The following RHOT1 variants were observed in gnomAD, a reference collection of about 807,000 sequenced individuals.
RHOT1 encodes the protein mitochondrial Rho GTPase 1.
RHOT1 carries 27 observed loss-of-function variants against 95.3 expected under a neutral mutation model. That is an observed-to-expected ratio of 0.28 (90% CI 0.21 to 0.39). The LOEUF (loss-of-function observed/expected upper bound fraction) is 0.39. Among genes scored for constraint, RHOT1 ranks in the 10% least tolerant of loss-of-function variants. RHOT1 has a pLI of 1.00. For missense variants in RHOT1, 578 were observed against 786.7 expected (o/e 0.73, Z 3.17); for synonymous variants, 227 against 263.5 (o/e 0.86, Z 1.34).
Position 32,154,541 on chromosome 17 carries a change from G to A in RHOT1, c.37+11812G>A, listed in dbSNP as rs570541338. On this transcript the variant is annotated intron_variant, in intron 1 of 19. Coordinates refer to ENST00000545287, the MANE Select transcript of RHOT1 (RefSeq NM_001033566.3). ...GGCAGAGCTTACGGTGAGCAGAGAC[G>A]GCGCCACTGCACTCCAGCCTGGGCG... Among the ~76,000 whole-genome samples, 11 of 148,664 alleles carry A rather than the reference G, an allele frequency of 7.4e-5. No individual in the cohort carries two copies. In the South Asian group the frequency reaches 1.1e-3, roughly 15 times the overall value.
At chr17:32,192,568 T>C (rs2036568936) in intron 9 of RHOT1, among the ~76,000 whole-genome samples, 1 of 152,082 alleles carries the variant, frequency 6.6e-6, no homozygotes. Flanking sequence ...TTTTGCTTTC[T>C]TGGTTTTGAA....
intron 1 of RHOT1, 128 bp downstream of exon 1, chr17:32,142,857 C>T (rs539274364): frequency 5.9e-6 from 5 of 854,164 alleles, no homozygotes; most frequent in Admixed American, 4.4e-5. Flanking sequence ...CACAGCTCCG[C>T]TCGCCTTTCT....
At chr17:32,204,226 A>T (rs1367877321) in intron 16 of RHOT1, among the ~76,000 whole-genome samples, 1 of 151,444 alleles carries the variant, frequency 6.6e-6, no homozygotes, top group Non-Finnish European at 1.5e-5. Flanking sequence ...GCTTGATTTT[A>T]TTTTTTTTCA....
chr17:32,176,454 T>A (rs553561963), intron 6 of RHOT1, among the ~76,000 whole-genome samples: 1 of 152,300 alleles, frequency 6.6e-6, no homozygotes, highest in South Asian at 2.1e-4. Context: ...AACAGAACTC[T>A]GATATCATGA....
chr17:32,155,389 T>C (rs1444834605), intron 1 of RHOT1, among the ~76,000 whole-genome samples: 1 of 152,066 alleles, frequency 6.6e-6, no homozygotes, highest in African/African-American at 2.4e-5. Flanking sequence ...CTCGATCTCC[T>C]GACCCTGTGA....
At chr17:32,150,918 C>A in intron 1 of RHOT1, 1 of 1,545,458 alleles carries the variant, frequency 6.5e-7, no homozygotes, top group Non-Finnish European at 8.8e-7. Context: ...TGGGCACATT[C>A]TTCTTGGATG....
At position 32,193,256 on chromosome 17, in the gene RHOT1, G is replaced by C. The variant is rs1435206064; in HGVS notation, c.748+12G>C. 8 of 1,531,038 alleles carry C rather than the reference G, an allele frequency of 5.2e-6. No homozygotes were observed. The highest frequency in any genetic ancestry group is 7.2e-6 in the Non-Finnish European group (8 of 1,105,990). The allele number at this position is 1,531,038 out of a possible 1,614,324, so 94.8% of individuals were successfully genotyped here. ...GTTGACCCTGAAAGGTGGGTAAATG[G>C]TATTTTTCCCCCTTTTGAAACTTAA... On this transcript the variant is annotated intron_variant, in intron 10 of 19. Coordinates refer to ENST00000545287, the MANE Select transcript of RHOT1 (RefSeq NM_001033566.3).
At chr17:32,222,744 G>T in intron 19 of RHOT1, 1 of 393,934 alleles carries the variant, frequency 2.5e-6, no homozygotes, top group Non-Finnish European at 3.5e-6. Context: ...CAAACTGTGT[G>T]CATGTGTATA....
In RHOT1 at chr17:32,146,427, GTAT is replaced by G. The variant is rs901548960; in HGVS notation, c.37+3715_37+3717del. Among the ~76,000 whole-genome samples the G allele has an allele frequency of 1.6e-3, 236 of 151,536 alleles. 1 individual carries two copies. Among genetic ancestry groups the G allele is most frequent in the African/African-American group, 5.3e-3 (219 of 41,420 alleles). On this transcript the variant is annotated intron_variant, in intron 1 of 19. Transcript: ENST00000545287. ...GTCATAAAAATTTGATCATTTTTCT[GTAT>G]TATTATTATTATTATTTTTATTTTA... is the stretch of plus-strand genomic sequence containing the variant.
intron 11 of RHOT1, among the ~76,000 whole-genome samples, chr17:32,195,525 A>G (rs1051884924): frequency 1.3e-5 from 2 of 152,142 alleles, no homozygotes; most frequent in South Asian, 2.1e-4. Context: ...TCTATACCCC[A>G]GGGAAGCGAG....
At chr17:32,193,963 A>G (rs2036684994) in intron 10 of RHOT1, 24 bp from the exon 11 acceptor site, 1 of 1,610,260 alleles carries the variant, frequency 6.2e-7, no homozygotes, top group Admixed American at 1.7e-5. Context: ...TGTACACTTT[A>G]TTTACTAATT....
intron 1 of RHOT1, among the ~76,000 whole-genome samples, chr17:32,164,060 CAGG>C (rs2033821588): frequency 6.6e-6 from 1 of 152,102 alleles, no homozygotes; most frequent in Non-Finnish European, 1.5e-5. Flanking sequence ...GAGGCTGAGG[CAGG>C]AGAATTGCTT....
intron 1 of RHOT1, among the ~76,000 whole-genome samples, chr17:32,155,902 C>T (rs1895133951): frequency 6.6e-6 from 1 of 152,080 alleles, no homozygotes; most frequent in Admixed American, 6.6e-5. Context: ...GAAATCCTAT[C>T]ATAAGTGAAG....
intron 1 of RHOT1, among the ~76,000 whole-genome samples, chr17:32,167,216 A>G (rs2034165847): frequency 6.6e-6 from 1 of 151,938 alleles, no homozygotes; most frequent in Non-Finnish European, 1.5e-5. Flanking sequence ...TTTGAGGAGT[A>G]GGTCTCAACA....
rs568121470 is a variant in RHOT1 at position 32,223,868 on chromosome 17, A to G, written c.1863-748A>G. 5.3e-5 allele frequency among the ~76,000 whole-genome samples: 8 copies of G among 152,324 alleles called. No homozygotes were observed. The South Asian group carries it at 1.0e-3, about 20-fold the overall frequency. On this transcript the variant is annotated intron_variant, in intron 19 of 19. Coordinates refer to ENST00000545287, the MANE Select transcript of RHOT1 (RefSeq NM_001033566.3). ...AGACTCTTGAGGGTACTTACTGAGC[A>G]TGCTCACAACTCAGTTTGTGGTACA... is the stretch of plus-strand genomic sequence containing the variant.
chr17:32,154,756 A>G (rs952069907), intron 1 of RHOT1, among the ~76,000 whole-genome samples: 1 of 148,482 alleles, frequency 6.7e-6, no homozygotes, highest in African/African-American at 2.5e-5. Context: ...TTAGCCGGGC[A>G]TGGTGGCACA....
chr17:32,143,176 C>G (rs2030685252), intron 1 of RHOT1: 5 of 485,054 alleles, frequency 1.0e-5, no homozygotes, highest in Admixed American at 7.1e-5. Flanking sequence ...GCAGACTGAC[C>G]AATAGGGATT....
Position 32,199,413 on chromosome 17 carries a change from CTG to C in RHOT1, c.966_967del (p.Ala323PhefsTer4). 6.2e-7 allele frequency: 1 copy of C among 1,611,920 alleles called. No homozygotes were observed. The highest frequency in any genetic ancestry group is 8.5e-7 in the Non-Finnish European group (1 of 1,179,312). On this transcript the variant is annotated frameshift_variant, in exon 13 of 20. Coordinates refer to ENST00000545287, the MANE Select transcript of RHOT1 (RefSeq NM_001033566.3). LOFTEE classifies it high-confidence loss of function. ...TFDKHDLDRD[C>X]ALSPDELKDL... ...TCCTTGTGTTTCTTCAGGATAGAGA[CTG>C]TGCTTTGTCACCTGATGAGCTTAAA...
chr17:32,142,881 C>T (rs948770187), intron 1 of RHOT1, 152 bp downstream of exon 1: 4 of 765,152 alleles, frequency 5.2e-6, no homozygotes, highest in African/African-American at 1.7e-5. Flanking sequence ...CGTTCCTAGG[C>T]CTTCCAGCCC....
Sources: allele counts gnomAD v4.1 joint callset (sites outside exome capture counted in the v4.1 genomes callset), GRCh38; gene constraint gnomAD v4.1.1; transcripts MANE v1.5; gene names NCBI Gene and HGNC (gene_info 2026-07-23, HGNC 2026-07-21).